Variants in FGF10 observed in about 807,000 individuals in gnomAD.
FGF10 encodes FGF-10.
FGF10 carries 2 observed loss-of-function variants against 19.8 expected under a neutral mutation model. The observed-to-expected ratio is 0.10, with a 90% confidence interval of 0.04 to 0.32. FGF10 has a LOEUF of 0.32. Ranked by LOEUF, FGF10 falls within the 10% of genes least tolerant of loss-of-function variation. FGF10 has a pLI of 1.00. For missense variants in FGF10, 191 were observed against 246.3 expected (o/e 0.78, Z 1.50); for synonymous variants, 112 against 94.0 (o/e 1.19, Z -1.10).
chr5:44,308,912 C>T (rs1242364130), intron 2 of FGF10, among the ~76,000 whole-genome samples: 1 of 152,118 alleles, frequency 6.6e-6, no homozygotes, highest in Non-Finnish European at 1.5e-5. Flanking sequence ...GAAAATATGG[C>T]TGTGGGTCCC....
At chr5:44,310,651 C>T in intron 1 of FGF10, 121 bp from the exon 2 acceptor site, 1 of 699,960 alleles carries the variant, frequency 1.4e-6, no homozygotes, top group Non-Finnish European at 2.5e-6. Context: ...AGGCACAAAA[C>T]ATTGGTAAAC....
In FGF10 at chr5:44,389,077, C is replaced by A. The variant is rs1579952607; in HGVS notation, c.-395G>T. 1 of 323,224 alleles carries A rather than the reference C, an allele frequency of 3.1e-6. No individual in the cohort carries two copies. 20.0% of individuals were successfully genotyped at this position (323,224 alleles called of 1,614,324 possible). On this transcript the variant is annotated 5_prime_UTR_variant, in exon 1 of 3. Transcript: ENST00000264664. ...AAGGTCTGAAAAACAGATGACAGCA[C>A]GGTGAACAAAACCCAAGGGAGGTGG... is the stretch of plus-strand genomic sequence containing the variant.
At chr5:44,356,489 A>G (rs988077784) in intron 1 of FGF10, among the ~76,000 whole-genome samples, 2 of 151,402 alleles carry the variant, frequency 1.3e-5, no homozygotes, top group Non-Finnish European at 3.0e-5. Context: ...GATAATGACA[A>G]TTTCATCTTG....
intron 1 of FGF10, among the ~76,000 whole-genome samples, chr5:44,328,147 A>G (rs1374973): frequency 0.98 from 149,344 of 152,266 alleles, 73,321 homozygotes; most frequent in East Asian, 1. Flanking sequence ...TGTTGAGTGA[A>G]GAGAGTACTG....
At chr5:44,338,695 C>A (rs144944742) in intron 1 of FGF10, among the ~76,000 whole-genome samples, 1 of 152,270 alleles carries the variant, frequency 6.6e-6, no homozygotes, top group Non-Finnish European at 1.5e-5. Context: ...ATTTGAATTA[C>A]AATTTAAGTT....
At chr5:44,305,897 T>G (rs1740065287) in intron 2 of FGF10, among the ~76,000 whole-genome samples, 1 of 152,188 alleles carries the variant, frequency 6.6e-6, no homozygotes, top group African/African-American at 2.4e-5. Flanking sequence ...ATGAGCATGG[T>G]GAATAGCAAT....
chr5:44,387,244 T>C (rs1742121910), intron 1 of FGF10, among the ~76,000 whole-genome samples: 5 of 152,164 alleles, frequency 3.3e-5, no homozygotes, highest in African/African-American at 1.2e-4. Flanking sequence ...GTTTGCTGGG[T>C]TGATTCAAGA....
At chr5:44,307,791 G>A (rs1365964100) in intron 2 of FGF10, among the ~76,000 whole-genome samples, 1 of 152,122 alleles carries the variant, frequency 6.6e-6, no homozygotes, top group Non-Finnish European at 1.5e-5. Context: ...TATTGAACTT[G>A]AATAAATTTT....
rs199738884 is a variant in FGF10, at chr5:44,300,256, GT to G, written c.*4738del. Among the ~76,000 whole-genome samples the G allele has an allele frequency of 1.0e-4, 13 of 128,928 alleles. No homozygotes were observed. Among genetic ancestry groups the G allele is most frequent in the Middle Eastern group, 4.0e-3 (1 of 252 alleles). 84.6% of individuals were successfully genotyped at this position (128,928 alleles called of 152,430 possible). A position where few individuals can be genotyped will look rare whatever the true frequency, so the allele number is the denominator to read the frequency against. On this transcript the variant is annotated 3_prime_UTR_variant, in exon 3 of 3. Coordinates refer to ENST00000264664, the MANE Select transcript of FGF10 (RefSeq NM_004465.2). ...TAAAAGACAAAGCAGGTTTTTTTCT[GT>G]TTTTTTTTTATTTTACACTTAAACA...
intron 1 of FGF10, among the ~76,000 whole-genome samples, chr5:44,356,215 C>T (rs573766473): frequency 7.5e-4 from 114 of 151,428 alleles, no homozygotes; most frequent in Non-Finnish European, 1.4e-3. Flanking sequence ...GAGTGGTTCC[C>T]GTGGGTAATA....
chr5:44,342,467 A>G (rs1438490670), intron 1 of FGF10, among the ~76,000 whole-genome samples: 1 of 151,736 alleles, frequency 6.6e-6, no homozygotes, highest in Non-Finnish European at 1.5e-5. Flanking sequence ...ATTGGAGTTC[A>G]AGGGAACAAG....
intron 1 of FGF10, among the ~76,000 whole-genome samples, chr5:44,337,013 T>A (rs1317763407): frequency 6.6e-6 from 1 of 152,128 alleles, no homozygotes; most frequent in Non-Finnish European, 1.5e-5. Flanking sequence ...TGACTCAAAC[T>A]GAGAAAGAGG....
chr5:44,361,860 C>A (rs996010704), intron 1 of FGF10, among the ~76,000 whole-genome samples: 1 of 151,612 alleles, frequency 6.6e-6, no homozygotes, highest in African/African-American at 2.4e-5. Flanking sequence ...CATTTCCTTT[C>A]GTCTGCATCT....
chr5:44,325,003 T>A (rs1740577718), intron 1 of FGF10, among the ~76,000 whole-genome samples: 1 of 152,220 alleles, frequency 6.6e-6, no homozygotes, highest in Non-Finnish European at 1.5e-5. Context: ...AAACCCTGTT[T>A]ATTTGTTTTT....
In FGF10 at chr5:44,388,553, T is replaced by C. The variant is rs201168313; in HGVS notation, c.130A>G (p.Met44Val). Residue 44 changes from methionine to valine, a missense_variant, in exon 1 of 3, where the codon ATG (methionine) becomes GTG (valine). Coordinates refer to ENST00000264664, the MANE Select transcript of FGF10 (RefSeq NM_004465.2). The part of the protein sequence containing the change: ...PVTCQALGQD[M>V]VSPEATNSSS... The stretch of plus-strand genomic sequence containing the variant: ...GAGTTGGTGGCCTCTGGTGACACCA[T>C]GTCCTGACCAAGGGCTTGGCAGGTG... 59 of 1,614,112 alleles carry C rather than the reference T, an allele frequency of 3.7e-5. No individual in the cohort carries two copies. Among genetic ancestry groups the C allele is most frequent in the Middle Eastern group, 3.3e-4 (2 of 6,060 alleles).
chr5:44,335,119 T>G (rs1740817996), intron 1 of FGF10, among the ~76,000 whole-genome samples: 1 of 152,128 alleles, frequency 6.6e-6, no homozygotes, highest in Admixed American at 6.5e-5. Context: ...ATCTGAATAG[T>G]CTTTTTCTAA....
At chr5:44,377,938 A>C (rs1741903124) in intron 1 of FGF10, among the ~76,000 whole-genome samples, 1 of 152,198 alleles carries the variant, frequency 6.6e-6, no homozygotes, top group Non-Finnish European at 1.5e-5. Flanking sequence ...TGATGTAGGT[A>C]ATCTGTGGTT....
chr5:44,336,553 T>C (rs183147644), intron 1 of FGF10, among the ~76,000 whole-genome samples: 75 of 152,292 alleles, frequency 4.9e-4, no homozygotes, highest in Admixed American at 1.3e-3. Context: ...GAAAGATTTC[T>C]CTAATGAGTA....
At chr5:44,356,329 A>G (rs1488142093) in intron 1 of FGF10, among the ~76,000 whole-genome samples, 1 of 151,444 alleles carries the variant, frequency 6.6e-6, no homozygotes, top group African/African-American at 2.4e-5. Flanking sequence ...TTAAACCTAA[A>G]TTCAACTTAT....
Sources: gnomAD v4.1 joint callset for allele counts (sites outside exome capture counted in the v4.1 genomes callset) on GRCh38, gnomAD v4.1.1 for gene constraint, MANE v1.5 for transcripts, NCBI Gene and HGNC (gene_info 2026-07-23, HGNC 2026-07-21) for gene names.